UBE2R2: variants seen among roughly 807,000 people sequenced by gnomAD.
UBE2R2 encodes ubiquitin conjugating enzyme E2 R2.
In UBE2R2, 1 loss-of-function variant was observed where a neutral mutation model predicts 27.8. The observed-to-expected ratio is 0.04, with a 90% CI of 0.01 to 0.17. The LOEUF is 0.17. Ranked by LOEUF, UBE2R2 falls within the 10% of genes least tolerant of loss-of-function variation. The pLI, the probability that UBE2R2 is intolerant of heterozygous loss-of-function variation, is 1.00. For missense variants in UBE2R2, 100 were observed against 291.0 expected (o/e 0.34, Z 4.78); for synonymous variants, 106 against 113.3 (o/e 0.94, Z 0.41).
intron 1 of UBE2R2, among the ~76,000 whole-genome samples, chr9:33,860,931 G>A (rs1821217290): frequency 7.6e-6 from 1 of 132,092 alleles, no homozygotes; most frequent in South Asian, 2.4e-4. Flanking sequence ...TTAACCCTGT[G>A]TTAAGTTTTT....
intron 1 of UBE2R2, among the ~76,000 whole-genome samples, chr9:33,853,774 ATTTTTTTTT>A (rs749498528): frequency 8.9e-6 from 1 of 112,274 alleles, no homozygotes; most frequent in Non-Finnish European, 1.8e-5. Flanking sequence ...CTTCCTTCCA[ATTTTTTTTT>A]TTTTTTTTTT....
intron 1 of UBE2R2, among the ~76,000 whole-genome samples, chr9:33,847,496 T>C (rs1820871355): frequency 6.6e-6 from 1 of 152,240 alleles, no homozygotes; most frequent in Non-Finnish European, 1.5e-5. Context: ...GTGTTTGTTT[T>C]CAACAGTTAA....
At chr9:33,887,158 T>C (rs1821878438) in intron 2 of UBE2R2, among the ~76,000 whole-genome samples, 191 bp downstream of exon 2, 1 of 152,228 alleles carries the variant, frequency 6.6e-6, no homozygotes. Flanking sequence ...ATATCCTGTG[T>C]ATATTCTACA....
At chr9:33,906,609 G>A (rs2130815884) in intron 3 of UBE2R2, among the ~76,000 whole-genome samples, 1 of 152,218 alleles carries the variant, frequency 6.6e-6, no homozygotes, top group South Asian at 2.1e-4. Context: ...TGATGCTAGG[G>A]CTATCACAAC....
chr9:33,850,335 A>T (rs1820938168), intron 1 of UBE2R2, among the ~76,000 whole-genome samples: 1 of 152,122 alleles, frequency 6.6e-6, no homozygotes, highest in African/African-American at 2.4e-5. Context: ...GATTCTGTGG[A>T]TGTGTTTAAA....
intron 1 of UBE2R2, among the ~76,000 whole-genome samples, chr9:33,844,268 G>A (rs1174856724): frequency 3.3e-5 from 5 of 152,102 alleles, no homozygotes; most frequent in African/African-American, 9.7e-5. Context: ...GCAGTGGCGC[G>A]ATCTCCGCTG....
intron 1 of UBE2R2, among the ~76,000 whole-genome samples, chr9:33,856,924 T>G (rs1821119982): frequency 7.4e-6 from 1 of 134,718 alleles, no homozygotes; most frequent in Non-Finnish European, 1.6e-5. Context: ...TGAGACAGAG[T>G]CTCATTCTGT....
At chr9:33,892,462 A>T (rs1238422848) in intron 2 of UBE2R2, among the ~76,000 whole-genome samples, 2 of 152,168 alleles carry the variant, frequency 1.3e-5, no homozygotes, top group Non-Finnish European at 2.9e-5. Flanking sequence ...AGAGAAAAAA[A>T]TTGCTGATTA....
At chr9:33,897,635 C>CATT (rs1822145525) in intron 2 of UBE2R2, among the ~76,000 whole-genome samples, 1 of 151,750 alleles carries the variant, frequency 6.6e-6, no homozygotes, top group Non-Finnish European at 1.5e-5. Context: ...CTCATTTCTA[C>CATT]ATTTCCCATA....
intron 1 of UBE2R2, chr9:33,818,828 G>A (rs899145880): frequency 3.9e-5 from 6 of 152,186 alleles, no homozygotes; most frequent in Non-Finnish European, 5.9e-5. Context: ...CAGATGACAA[G>A]TATCATCTGA....
chr9:33,840,939 T>C (rs932815955), intron 1 of UBE2R2, among the ~76,000 whole-genome samples: 12 of 152,140 alleles, frequency 7.9e-5, no homozygotes, highest in Admixed American at 3.9e-4. Flanking sequence ...TAATTAATTT[T>C]TTTGAGATGG....
At chr9:33,821,714 C>G (rs1031239341) in intron 1 of UBE2R2, among the ~76,000 whole-genome samples, 10 of 151,778 alleles carry the variant, frequency 6.6e-5, no homozygotes, top group Admixed American at 5.9e-4. Context: ...CTCCTGGGTT[C>G]AAGCGATTCT....
intron 1 of UBE2R2, among the ~76,000 whole-genome samples, chr9:33,840,979 A>G (rs1304479981): frequency 6.6e-6 from 1 of 151,968 alleles, no homozygotes; most frequent in Admixed American, 6.6e-5. Context: ...GGCTGGAGTG[A>G]AGTGGGGCCA....
chr9:33,891,024 G>A (rs1401131017), intron 2 of UBE2R2, among the ~76,000 whole-genome samples: 2 of 147,898 alleles, frequency 1.4e-5, no homozygotes, highest in South Asian at 2.2e-4. Context: ...AGTTTCTTAT[G>A]TCATGTTTTT....
chr9:33,819,121 T>C lies in UBE2R2; in HGVS notation c.177+1187T>C, dbSNP rs1390683736. ...AGGAATCCATTTAGTTTTATTTTTT[T>C]ATTTTCAAAATTAAGTAAAATAGGC... On this transcript the variant is annotated intron_variant, in intron 1 of 4. Transcript: ENST00000263228. Among the ~76,000 whole-genome samples, 3 of 152,198 alleles carry C rather than the reference T, an allele frequency of 2.0e-5. No homozygotes were observed. In the East Asian group the frequency reaches 5.8e-4, roughly 29 times the overall value.
intron 1 of UBE2R2, among the ~76,000 whole-genome samples, chr9:33,822,906 A>T (rs1229664131): frequency 1.6e-4 from 20 of 127,826 alleles, no homozygotes; most frequent in African/African-American, 2.1e-4. Context: ...CTTCTTATTA[A>T]TTTTTTTTTT....
chr9:33,858,338 G>A (rs1821152724), intron 1 of UBE2R2, among the ~76,000 whole-genome samples: 1 of 152,166 alleles, frequency 6.6e-6, no homozygotes, highest in Admixed American at 6.6e-5. Context: ...AAGAAAATAG[G>A]AAGGTAGAGA....
rs191116294 is a variant in UBE2R2 at position 33,899,074 on chromosome 9, T to G, written c.265-1100T>G. On this transcript the variant is annotated intron_variant, in intron 2 of 4. Transcript: ENST00000263228. Reference sequence around the variant, plus strand: ...ATAAGTCATGGTTATTGACATAGCATCTATCTGAGTAGATATTAAGCAAGG... The same window carrying G: ...ATAAGTCATGGTTATTGACATAGCAGCTATCTGAGTAGATATTAAGCAAGG... Among the ~76,000 whole-genome samples, 25 of 152,372 alleles carry G rather than the reference T, an allele frequency of 1.6e-4. No individual in the cohort carries two copies. The East Asian group carries it at 4.4e-3, about 27-fold the overall frequency.
At chr9:33,887,248 A>G (rs956112569) in intron 2 of UBE2R2, among the ~76,000 whole-genome samples, 1 of 152,238 alleles carries the variant, frequency 6.6e-6, no homozygotes, top group Non-Finnish European at 1.5e-5. Flanking sequence ...TGTCTTTAAC[A>G]TGTGCATTTA....
Sources: gnomAD v4.1 joint callset for allele counts (sites outside exome capture counted in the v4.1 genomes callset) on GRCh38, gnomAD v4.1.1 for gene constraint, MANE v1.5 for transcripts, NCBI Gene and HGNC (gene_info 2026-07-23, HGNC 2026-07-21) for gene names.